The following CYP27C1 variants were observed in gnomAD, a reference collection of about 807,000 sequenced individuals.
CYP27C1 encodes the protein cytochrome P450 27C1.
In CYP27C1, 29 loss-of-function variants were observed where a neutral mutation model predicts 40.6. The ratio of observed to expected loss-of-function variants is 0.71; its 90% CI spans 0.53 to 0.97. The LOEUF is 0.97. Ranked by LOEUF, CYP27C1 falls within the 50% of genes least tolerant of loss-of-function variation. The pLI is 0.00. For missense variants in CYP27C1, 390 were observed against 485.8 expected (o/e 0.80, Z 1.85); for synonymous variants, 198 against 186.8 (o/e 1.06, Z -0.49).
At chr2:127,194,842 C>CTTT (rs762311494) in intron 6 of CYP27C1, among the ~76,000 whole-genome samples, 3 of 139,690 alleles carry the variant, frequency 2.1e-5, no homozygotes, top group Non-Finnish European at 3.1e-5. Flanking sequence ...GATCTTTTTT[C>CTTT]TTTTTTTTTT....
Position 127,187,325 on chromosome 2 carries a change from G to T in CYP27C1, c.1560C>A (p.His520Gln). The change falls in exon 9 of 9, where the codon CAC (histidine) becomes CAA (glutamine). Residue 520 changes from histidine to glutamine, a missense_variant. By Grantham distance (24) the His-to-Gln change is conservative (BLOSUM62 0). Coordinates refer to ENST00000664447, the MANE Select transcript of CYP27C1 (RefSeq NM_001367502.1). ...SQTNAVHAKT[H>Q]GLLTPGGPIH... ...TGGGCCCCCCTGGCGTCAGGAGCCC[G>T]TGGGTTTTTGCATGAACAGCATTGG... 2 of 1,614,212 alleles carry T rather than the reference G, an allele frequency of 1.2e-6. No homozygotes were observed. The highest frequency in any genetic ancestry group is 2.2e-5 in the East Asian group (1 of 44,888).
At chr2:127,191,394 C>T (rs972328774) in intron 8 of CYP27C1, among the ~76,000 whole-genome samples, 1 of 152,282 alleles carries the variant, frequency 6.6e-6, no homozygotes, top group Admixed American at 6.5e-5. Flanking sequence ...ACCATTTCAC[C>T]GCTGGCCTCT....
rs1458125938 is a variant in CYP27C1, at chr2:127,218,304, G to A, written c.282+1685C>T. 6.6e-6 allele frequency among the ~76,000 whole-genome samples: 1 copy of A among 152,092 alleles called. No individual in the cohort carries two copies. Among genetic ancestry groups the A allele is most frequent in the Non-Finnish European group, 1.5e-5 (1 of 68,012 alleles). On this transcript the variant is annotated intron_variant, in intron 1 of 8. Transcript: ENST00000664447. This position sits in a 1 kb window ranked among gnomAD's most constrained non-coding sequence, Gnocchi z 6.0. ...GATAAAAGCAGATGGCAGTAGGGGC[G>A]GATAAAAGAAAAATTAAATTACACT...
rs1365596917 is a variant in CYP27C1 at position 127,220,088 on chromosome 2, C to G, written c.183G>C (p.Glu61Asp). 6.6e-6 allele frequency: 1 copy of G among 151,376 alleles called. No homozygotes were observed. Among genetic ancestry groups the G allele is most frequent in the African/African-American group, 2.4e-5 (1 of 41,348 alleles). The allele number at this position is 151,376 out of a possible 1,614,324, so 9.4% of individuals were successfully genotyped here. A position where few individuals can be genotyped will look rare whatever the true frequency, so the allele number is the denominator to read the frequency against. ...PGSPPGGGRA[E>D]GPRSLAAMPG... ...GCATGGCGGCGAGGCTCCGGGGACCCTCGGCTCGGCCCCCTCCCGGCGGCG... is the reference window on the plus strand; with the variant it reads ...GCATGGCGGCGAGGCTCCGGGGACCGTCGGCTCGGCCCCCTCCCGGCGGCG... The change falls in exon 1 of 9, where the codon GAG becomes GAC. Residue 61 changes from glutamate to aspartate, a missense_variant. Transcript: ENST00000664447. The surrounding 1 kb of genome is among the most constrained non-coding windows in gnomAD (Gnocchi z 4.6).
At chr2:127,192,220 G>A (rs1682792207) in intron 8 of CYP27C1, among the ~76,000 whole-genome samples, 1 of 152,068 alleles carries the variant, frequency 6.6e-6, no homozygotes, top group Non-Finnish European at 1.5e-5. Context: ...TCTGAGCCTC[G>A]GTTTCCTCAT....
chr2:127,195,228 C>A lies in CYP27C1; in HGVS notation c.1214+107G>T. On this transcript the variant is annotated intron_variant, in intron 6 of 8. Transcript: ENST00000664447. The surrounding 1 kb of genome is among the most constrained non-coding windows in gnomAD (Gnocchi z 6.2). ...AGAAAAAATAACAGTCACGAACATCCTCATCCTGAACAGGTCAGCCGGGGG... is the reference window on the plus strand; with the variant it reads ...AGAAAAAATAACAGTCACGAACATCATCATCCTGAACAGGTCAGCCGGGGG... 1 of 1,399,612 alleles carries A rather than the reference C, an allele frequency of 7.1e-7. No individual in the cohort carries two copies. Among genetic ancestry groups the A allele is most frequent in the Admixed American group, 1.9e-5 (1 of 51,286 alleles). The allele number at this position is 1,399,612 out of a possible 1,614,324, so 86.7% of individuals were successfully genotyped here.
intron 3 of CYP27C1, among the ~76,000 whole-genome samples, chr2:127,202,081 T>C (rs1683046867): frequency 7.0e-6 from 1 of 142,136 alleles, no homozygotes; most frequent in South Asian, 2.5e-4. Context: ...CAAGATGCAT[T>C]CTATTTTTTT....
intron 1 of CYP27C1, among the ~76,000 whole-genome samples, chr2:127,215,983 G>A (rs1026347049): frequency 9.2e-5 from 14 of 152,100 alleles, no homozygotes; most frequent in Non-Finnish European, 1.5e-4. Flanking sequence ...CAGTCATCAG[G>A]GAGAGATAGC....
At position 127,196,429 on chromosome 2, in the gene CYP27C1, A is replaced by G. The variant is rs981298099; in HGVS notation, c.1048-928T>C. Among the ~76,000 whole-genome samples the G allele has an allele frequency of 5.9e-5, 9 of 152,114 alleles. No individual in the cohort carries two copies. The highest frequency in any genetic ancestry group is 1.2e-4 in the African/African-American group (5 of 41,432). ...TTGAAAATAATTGTTTTATTCTCGT[A>G]GGTCCCAAGATTTTCGCTAAAATCA... On this transcript the variant is annotated intron_variant, in intron 5 of 8. Coordinates refer to ENST00000664447, the MANE Select transcript of CYP27C1 (RefSeq NM_001367502.1). The surrounding 1 kb of genome is among the most constrained non-coding windows in gnomAD (Gnocchi z 4.5).
At chr2:127,204,610 A>AAAGAAAGCAAGCAAGCAAGC (rs1558931560) in intron 2 of CYP27C1, among the ~76,000 whole-genome samples, 2 of 102,604 alleles carry the variant, frequency 1.9e-5, no homozygotes, top group African/African-American at 8.2e-5. Context: ...AGAAAGAAAG[A>AAAGAAAGCAAGCAAGCAAGC]AAGAAAGAAA....
At chr2:127,205,765 A>G in intron 2 of CYP27C1, 135 bp downstream of exon 2, 2 of 985,410 alleles carry the variant, frequency 2.0e-6, no homozygotes, top group Non-Finnish European at 2.4e-6. Context: ...GCACAAGGAG[A>G]CTGTCTGATA....
chr2:127,206,290 C>CGTTT (rs72517050), intron 1 of CYP27C1, among the ~76,000 whole-genome samples, 200 bp from the exon 2 acceptor site: 554 of 150,152 alleles, frequency 3.7e-3, no homozygotes, highest in African/African-American at 9.1e-3. Flanking sequence ...TTGTTGTTTC[C>CGTTT]GTTTGTTTGT....
At chr2:127,217,452 G>A (rs1474392586) in intron 1 of CYP27C1, among the ~76,000 whole-genome samples, 1 of 152,192 alleles carries the variant, frequency 6.6e-6, no homozygotes, top group Non-Finnish European at 1.5e-5. Context: ...AAGCTCATTT[G>A]ACCTTATCAT....
At chr2:127,193,433 AT>A in intron 7 of CYP27C1, 136 bp from the exon 8 acceptor site, 1 of 933,904 alleles carries the variant, frequency 1.1e-6, no homozygotes. Flanking sequence ...CACACCCAGG[AT>A]GGCAGCCGCT....
chr2:127,189,839 A>T (rs1682724607), intron 8 of CYP27C1, among the ~76,000 whole-genome samples: 1 of 152,192 alleles, frequency 6.6e-6, no homozygotes, highest in East Asian at 1.9e-4. Flanking sequence ...TCCGTTTTAT[A>T]CATTCAGCCT....
At position 127,193,986 on chromosome 2, in the gene CYP27C1, G is replaced by C. The variant is rs141324502; in HGVS notation, c.1215-119C>G. On this transcript the variant is annotated intron_variant, in intron 6 of 8. Transcript: ENST00000664447. ...AAAAATTCTTAAAAAGTAACACATGGTACATTTTCAACTGAAACATTTTGC... is the reference window on the plus strand; with the variant it reads ...AAAAATTCTTAAAAAGTAACACATGCTACATTTTCAACTGAAACATTTTGC... 7.3e-4 allele frequency: 826 copies of C among 1,134,130 alleles called. 9 individuals are homozygous for C. The African/African-American group carries it at 0.011, about 16-fold the overall frequency. The allele number at this position is 1,134,130 out of a possible 1,614,324, so 70.3% of individuals were successfully genotyped here.
chr2:127,188,473 A>G (rs989462978), intron 8 of CYP27C1, among the ~76,000 whole-genome samples: 6 of 151,992 alleles, frequency 3.9e-5, no homozygotes, highest in African/African-American at 1.5e-4. Context: ...CCTAACCTCC[A>G]ACGATCCTCC....
At position 127,187,228 on chromosome 2, in the gene CYP27C1, G is replaced by T. The variant is rs762435442; in HGVS notation, c.*43C>A. The T allele has an allele frequency of 2.0e-6, 3 of 1,501,196 alleles. No individual in the cohort carries two copies. The highest frequency in any genetic ancestry group is 1.7e-5 in the Admixed American group (1 of 59,676). The allele number at this position is 1,501,196 out of a possible 1,614,324, so 93.0% of individuals were successfully genotyped here. ...CGAACACAAATACCCACTGTGTGTC[G>T]GCGAGCTGGTCTGCTACATCAGCCC... On this transcript the variant is annotated 3_prime_UTR_variant, in exon 9 of 9. Coordinates refer to ENST00000664447, the MANE Select transcript of CYP27C1 (RefSeq NM_001367502.1).
At chr2:127,207,075 C>T (rs149468084) in intron 1 of CYP27C1, among the ~76,000 whole-genome samples, 1 of 152,162 alleles carries the variant, frequency 6.6e-6, no homozygotes, top group African/African-American at 2.4e-5. Flanking sequence ...GAATACAATA[C>T]TTGACCAGCT....
Sources: allele counts gnomAD v4.1 joint callset (sites outside exome capture counted in the v4.1 genomes callset), GRCh38; gene constraint gnomAD v4.1.1; non-coding constraint Gnocchi (gnomAD v3.1); transcripts MANE v1.5; gene names NCBI Gene and HGNC (gene_info 2026-07-23, HGNC 2026-07-21).